Variants in NKAIN2 observed in about 807,000 individuals in gnomAD.
The protein encoded by NKAIN2 is sodium/potassium transporting ATPase interacting 2.
Under a neutral mutation model 32.6 loss-of-function variants are expected in NKAIN2, and 14 were observed. That is an observed-to-expected ratio of 0.43 (90% CI 0.28 to 0.67). The LOEUF is 0.67. NKAIN2 is among the 30% of genes least tolerant of loss of function. NKAIN2 has a pLI of 0.17. For missense variants in NKAIN2, 198 were observed against 258.3 expected (o/e 0.77, Z 1.60); for synonymous variants, 80 against 87.2 (o/e 0.92, Z 0.46).
intron 5 of NKAIN2, among the ~76,000 whole-genome samples, chr6:124,806,214 A>G (rs1234055485): frequency 2.0e-5 from 3 of 152,226 alleles, no homozygotes; most frequent in Non-Finnish European, 4.4e-5. Context: ...GAAATGAAGG[A>G]AAAAATGTTA....
intron 1 of NKAIN2, among the ~76,000 whole-genome samples, chr6:124,254,430 T>C (rs891113710): frequency 6.6e-6 from 1 of 152,222 alleles, no homozygotes; most frequent in African/African-American, 2.4e-5. Context: ...GCTTTCTTCT[T>C]GCTTTTTGTG....
intron 1 of NKAIN2, among the ~76,000 whole-genome samples, chr6:124,086,097 A>G (rs1396927037): frequency 6.6e-6 from 1 of 150,958 alleles, no homozygotes; most frequent in Admixed American, 6.6e-5. Flanking sequence ...TTCAGATTTA[A>G]AGAAATTTTC....
intron 3 of NKAIN2, among the ~76,000 whole-genome samples, chr6:124,613,049 T>C (rs944962579): frequency 7.2e-5 from 11 of 152,284 alleles, no homozygotes; most frequent in Admixed American, 7.2e-4. Context: ...ATGTCACTTT[T>C]TGAATGTTTC....
intron 3 of NKAIN2, among the ~76,000 whole-genome samples, chr6:124,467,244 T>C (rs1026950221): frequency 6.6e-6 from 1 of 152,030 alleles, no homozygotes; most frequent in East Asian, 1.9e-4. Context: ...TAAGAACACA[T>C]ACCGAACACC....
At chr6:124,657,014 C>T (rs890969775) in intron 3 of NKAIN2, among the ~76,000 whole-genome samples, 5 of 152,318 alleles carry the variant, frequency 3.3e-5, no homozygotes, top group East Asian at 1.9e-4. Flanking sequence ...CCCCACCCAA[C>T]CACCACCATG....
intron 1 of NKAIN2, among the ~76,000 whole-genome samples, chr6:124,122,545 C>T (rs1372388376): frequency 6.6e-6 from 1 of 152,092 alleles, no homozygotes; most frequent in Non-Finnish European, 1.5e-5. Flanking sequence ...CTTGTCACTG[C>T]ATTTTGTGAT....
chr6:123,984,043 G>C (rs997056600), intron 1 of NKAIN2, among the ~76,000 whole-genome samples: 3 of 151,978 alleles, frequency 2.0e-5, no homozygotes, highest in African/African-American at 7.3e-5. Context: ...GAGTAGCTGG[G>C]GTTACAGGCA....
At chr6:124,342,901 T>C (rs1029030627) in intron 2 of NKAIN2, among the ~76,000 whole-genome samples, 4 of 151,518 alleles carry the variant, frequency 2.6e-5, no homozygotes, top group Admixed American at 1.3e-4. Context: ...TACATATGTA[T>C]ACATGTGCCA....
At chr6:124,571,157 A>G (rs1273386527) in intron 3 of NKAIN2, among the ~76,000 whole-genome samples, 2 of 152,142 alleles carry the variant, frequency 1.3e-5, no homozygotes, top group Non-Finnish European at 1.5e-5. Context: ...CCGCCATTGT[A>G]TCTAGGAAGT....
At chr6:124,732,432 T>C (rs1776728880) in intron 4 of NKAIN2, among the ~76,000 whole-genome samples, 1 of 152,060 alleles carries the variant, frequency 6.6e-6, no homozygotes, top group Non-Finnish European at 1.5e-5. Context: ...AGTGATGGCA[T>C]GAAACATGCA....
At chr6:124,312,380 C>T (rs1012302985) in intron 2 of NKAIN2, among the ~76,000 whole-genome samples, 63 of 152,320 alleles carry the variant, frequency 4.1e-4, no homozygotes, top group African/African-American at 1.2e-3. Flanking sequence ...GCACCCCCTT[C>T]AGACACCAGT....
chr6:124,633,352 CAA>C (rs1783645958), intron 3 of NKAIN2, among the ~76,000 whole-genome samples: 1 of 152,124 alleles, frequency 6.6e-6, no homozygotes, highest in African/African-American at 2.4e-5. Context: ...CACATTGCCT[CAA>C]AGTTAACAAT....
At chr6:124,626,412 A>T (rs939005972) in intron 3 of NKAIN2, among the ~76,000 whole-genome samples, 3 of 149,584 alleles carry the variant, frequency 2.0e-5, no homozygotes, top group Non-Finnish European at 3.0e-5. Flanking sequence ...CGTAACAAGA[A>T]GCAGGTCCTG....
intron 3 of NKAIN2, among the ~76,000 whole-genome samples, chr6:124,579,690 C>T: frequency 6.6e-6 from 1 of 152,044 alleles, no homozygotes; most frequent in Admixed American, 6.6e-5. Flanking sequence ...AGAGAACTTC[C>T]CAAACTTAGA....
intron 3 of NKAIN2, among the ~76,000 whole-genome samples, chr6:124,568,453 C>T (rs890812974): frequency 2.0e-5 from 3 of 152,040 alleles, no homozygotes; most frequent in Admixed American, 6.6e-5. Context: ...TTCTTACATC[C>T]GTTTAGGATG....
intron 3 of NKAIN2, among the ~76,000 whole-genome samples, chr6:124,573,527 A>G (rs12111083): frequency 0.12 from 18,298 of 151,724 alleles, 1,471 homozygotes; most frequent in African/African-American, 0.23. Context: ...CCTTATCTCC[A>G]TCTAATTATT....
rs551136594 is a variant in NKAIN2 at position 123,893,276 on chromosome 6, T to C, written c.54+89022T>C. ...AGTACAGTGGTGGGATCATATTTCA[T>C]TGTAGCCTTGAATTGCTGGACTCAC... On this transcript the variant is annotated intron_variant, in intron 1 of 6. Coordinates refer to ENST00000368417, the MANE Select transcript of NKAIN2 (RefSeq NM_001040214.3). 1.3e-4 allele frequency among the ~76,000 whole-genome samples: 20 copies of C among 152,302 alleles called. No individual in the cohort carries two copies. The East Asian group carries it at 3.1e-3, about 24-fold the overall frequency.
At chr6:123,913,056 A>G (rs1775302294) in intron 1 of NKAIN2, among the ~76,000 whole-genome samples, 1 of 152,212 alleles carries the variant, frequency 6.6e-6, no homozygotes, top group Admixed American at 6.6e-5. Context: ...AGTGCAGGCC[A>G]ATATGCGTAG....
At chr6:124,618,898 T>C (rs1285852758) in intron 3 of NKAIN2, among the ~76,000 whole-genome samples, 1 of 152,202 alleles carries the variant, frequency 6.6e-6, no homozygotes, top group Non-Finnish European at 1.5e-5. Flanking sequence ...CTCAATAGTT[T>C]GTTTTGGCAT....
Sources: gnomAD v4.1 joint callset for allele counts (sites outside exome capture counted in the v4.1 genomes callset) on GRCh38, gnomAD v4.1.1 for gene constraint, MANE v1.5 for transcripts, NCBI Gene and HGNC (gene_info 2026-07-23, HGNC 2026-07-21) for gene names.